The following CDKAL1 variants were observed in gnomAD, a reference collection of about 807,000 sequenced individuals.
CDKAL1 encodes threonylcarbamoyladenosine tRNA methylthiotransferase.
A neutral mutation model predicts 68.2 loss-of-function variants in CDKAL1; 32 were observed. That is an observed-to-expected ratio of 0.47 (90% CI 0.35 to 0.63). The LOEUF (loss-of-function observed/expected upper bound fraction) is 0.63, where lower values mean the gene tolerates loss of function less well. CDKAL1 is among the 30% of genes least tolerant of loss of function. The pLI is 0.00. For synonymous variants in CDKAL1, 234 were observed against 244.3 expected, an observed-to-expected ratio of 0.96 and a Z score of 0.39; for missense variants, 606 against 696.7, an observed-to-expected ratio of 0.87 and a Z score of 1.47.
At chr6:20,944,836 T>A (rs9465944) in intron 9 of CDKAL1, among the ~76,000 whole-genome samples, 14,309 of 152,220 alleles carry the variant, frequency 0.094, 717 homozygotes, top group South Asian at 0.13. Context: ...TTGTTGACAT[T>A]ACCTGCAAAT....
At chr6:20,919,588 G>T (rs1936985053) in intron 9 of CDKAL1, among the ~76,000 whole-genome samples, 1 of 152,130 alleles carries the variant, frequency 6.6e-6, no homozygotes, top group Admixed American at 6.5e-5. Flanking sequence ...CTGTTCTTGT[G>T]ATAATTTGCT....
At chr6:20,872,051 T>G (rs897179551) in intron 9 of CDKAL1, among the ~76,000 whole-genome samples, 4 of 152,148 alleles carry the variant, frequency 2.6e-5, no homozygotes, top group African/African-American at 9.6e-5. Context: ...CTCAAGCAAG[T>G]TCCTTAGAGA....
chr6:21,033,720 A>G (rs993695429), intron 11 of CDKAL1, among the ~76,000 whole-genome samples: 5 of 152,312 alleles, frequency 3.3e-5, no homozygotes, highest in Non-Finnish European at 5.9e-5. Context: ...TCGCTTCACT[A>G]TAGACGATGT....
intron 8 of CDKAL1, among the ~76,000 whole-genome samples, chr6:20,809,014 A>G (rs1776684624): frequency 6.6e-6 from 1 of 152,190 alleles, no homozygotes; most frequent in Non-Finnish European, 1.5e-5. Context: ...TTTTGAAGGC[A>G]AAGACCATAC....
chr6:21,202,967 G>C (rs1159513939), intron 15 of CDKAL1, among the ~76,000 whole-genome samples: 3 of 152,170 alleles, frequency 2.0e-5, no homozygotes, highest in Admixed American at 1.3e-4. Flanking sequence ...TCTAGAAATA[G>C]TGTTGTAGCA....
chr6:20,563,451 A>G (rs1382088731), intron 4 of CDKAL1, among the ~76,000 whole-genome samples: 1 of 152,196 alleles, frequency 6.6e-6, no homozygotes, highest in African/African-American at 2.4e-5. Context: ...ACGGCTTTTT[A>G]TATTGTGGTG....
At chr6:20,742,425 C>T (rs780403119) in intron 6 of CDKAL1, among the ~76,000 whole-genome samples, 14 of 150,868 alleles carry the variant, frequency 9.3e-5, no homozygotes, top group East Asian at 5.9e-4. Context: ...ATATTTCTAT[C>T]GCCATAATGC....
At chr6:21,214,178 T>C (rs1375328114) in intron 15 of CDKAL1, among the ~76,000 whole-genome samples, 1 of 152,120 alleles carries the variant, frequency 6.6e-6, no homozygotes, top group Non-Finnish European at 1.5e-5. Context: ...GGCGTGGAGA[T>C]GGGGAGTTCC....
At chr6:21,218,463 C>T (rs553024759) in intron 15 of CDKAL1, among the ~76,000 whole-genome samples, 19 of 152,326 alleles carry the variant, frequency 1.2e-4, no homozygotes, top group African/African-American at 3.6e-4. Flanking sequence ...TCTGGGTGCC[C>T]GTGGCACAGT....
chr6:20,586,586 C>T (rs1336136959), intron 4 of CDKAL1, among the ~76,000 whole-genome samples: 3 of 152,120 alleles, frequency 2.0e-5, no homozygotes, highest in East Asian at 1.9e-4. Context: ...TGCAGTGAGC[C>T]GAGATCACGC....
At chr6:20,869,246 A>G (rs1760067554) in intron 9 of CDKAL1, among the ~76,000 whole-genome samples, 1 of 152,208 alleles carries the variant, frequency 6.6e-6, no homozygotes, top group African/African-American at 2.4e-5. Context: ...AGTAAAGCTA[A>G]CTGTCCCTAG....
intron 5 of CDKAL1, among the ~76,000 whole-genome samples, chr6:20,737,452 G>A (rs969004143): frequency 1.2e-4 from 19 of 152,202 alleles, no homozygotes; most frequent in Non-Finnish European, 2.6e-4. Context: ...AAATTGAATA[G>A]CATTTTAGGA....
chr6:21,082,578 C>G (rs183941416), intron 12 of CDKAL1, among the ~76,000 whole-genome samples: 87 of 152,234 alleles, frequency 5.7e-4, no homozygotes, highest in African/African-American at 1.7e-3. Flanking sequence ...AATTTTAGAA[C>G]ATTTTGACCA....
intron 4 of CDKAL1, among the ~76,000 whole-genome samples, chr6:20,617,958 A>G (rs6456359): frequency 0.84 from 128,298 of 152,160 alleles, 54,550 homozygotes; most frequent in African/African-American, 0.96. Context: ...GGGTCAAACA[A>G]TATCTCCAGT....
chr6:20,710,375 T>G (rs1771792030), intron 5 of CDKAL1, among the ~76,000 whole-genome samples: 1 of 152,168 alleles, frequency 6.6e-6, no homozygotes, highest in African/African-American at 2.4e-5. Context: ...CAGTGTTTAG[T>G]ACAGTAACAT....
intron 5 of CDKAL1, among the ~76,000 whole-genome samples, chr6:20,735,806 G>A (rs1490493015): frequency 6.6e-6 from 1 of 152,194 alleles, no homozygotes; most frequent in Non-Finnish European, 1.5e-5. Flanking sequence ...TGCTATGTAA[G>A]TGCTAACCAC....
At chr6:21,152,481 C>T (rs943551876) in intron 13 of CDKAL1, among the ~76,000 whole-genome samples, 1 of 152,224 alleles carries the variant, frequency 6.6e-6, no homozygotes, top group African/African-American at 2.4e-5. Flanking sequence ...CACACCGATT[C>T]AACCAGCAAC....
intron 11 of CDKAL1, among the ~76,000 whole-genome samples, chr6:21,054,509 G>A (rs950297206): frequency 6.6e-6 from 1 of 152,080 alleles, no homozygotes; most frequent in Admixed American, 6.6e-5. Context: ...TATTTTGATA[G>A]GAGTTGCATT....
At chr6:21,180,344 CTTT>C (rs34495587) in intron 13 of CDKAL1, among the ~76,000 whole-genome samples, 4 of 140,814 alleles carry the variant, frequency 2.8e-5, no homozygotes, top group Non-Finnish European at 1.5e-5. Flanking sequence ...CTTTAAGTTT[CTTT>C]TTTTTTTTTT....
Sources: allele counts gnomAD v4.1 joint callset (sites outside exome capture counted in the v4.1 genomes callset), GRCh38; gene constraint gnomAD v4.1.1; transcripts MANE v1.5; gene names NCBI Gene and HGNC (gene_info 2026-07-23, HGNC 2026-07-21).